The following RFC4 variants were observed in gnomAD, a reference collection of about 807,000 sequenced individuals.
RFC4 encodes the protein replication factor C subunit 4.
A neutral mutation model predicts 47.6 loss-of-function variants in RFC4; 38 were observed. The observed-to-expected ratio is 0.80, with a 90% CI of 0.62 to 1.05. The LOEUF (loss-of-function observed/expected upper bound fraction) is 1.05. Ranked by LOEUF, RFC4 falls within the 50% of genes least tolerant of loss-of-function variation. The pLI, the probability that RFC4 is intolerant of heterozygous loss-of-function variation, is 0.00. For missense variants in RFC4, 489 were observed against 434.0 expected (o/e 1.13, Z -1.13); for synonymous variants, 164 against 150.0 (o/e 1.09, Z -0.68).
At chr3:186,799,691 T>A (rs1722311960) in intron 3 of RFC4, among the ~76,000 whole-genome samples, 1 of 151,898 alleles carries the variant, frequency 6.6e-6, no homozygotes, top group South Asian at 2.1e-4. Context: ...CCAGCCTGCG[T>A]GACAGAGCAA....
At chr3:186,801,264 T>C in intron 2 of RFC4, 69 bp from the exon 3 acceptor site, 1 of 1,108,196 alleles carries the variant, frequency 9.0e-7, no homozygotes, top group Non-Finnish European at 1.4e-6. Context: ...CTCTCAAGTG[T>C]TCCTTCTACT....
intron 8 of RFC4, 124 bp downstream of exon 8, chr3:186,791,601 T>C (rs1579176392): frequency 1.2e-6 from 1 of 844,050 alleles, no homozygotes; most frequent in East Asian, 2.4e-5. Flanking sequence ...CCCAGGTTAT[T>C]CCCTTATACT....
chr3:186,805,474 G>C (rs1052017959), intron 1 of RFC4: 2 of 152,132 alleles, frequency 1.3e-5, no homozygotes, highest in Admixed American at 6.6e-5. Context: ...CTCCTGCCCC[G>C]GCCTCCCAAA....
chr3:186,791,790 G>T lies in RFC4; in HGVS notation c.736C>A (p.Gln246Lys), dbSNP rs778941438. The T allele has an allele frequency of 1.2e-6, 2 of 1,610,080 alleles. No individual in the cohort carries two copies. Among genetic ancestry groups the T allele is most frequent in the South Asian group, 2.2e-5 (2 of 91,018 alleles). Reference sequence around the variant, plus strand: ...CCACCTGTTAATCGAGTAGCGCTTTGAAGAAATGTAATGGCTTTTCTTAAG... The same window carrying T: ...CCACCTGTTAATCGAGTAGCGCTTTTAAGAAATGTAATGGCTTTTCTTAAG... ...GDLRKAITFL[Q>K]SATRLTGGKE... The change falls in exon 8 of 11, where the codon CAA becomes AAA. Residue 246 changes from glutamine (Q) to lysine (K), a missense_variant. Transcript: ENST00000296273.
At chr3:186,797,701 G>T in intron 3 of RFC4, 87 bp from the exon 4 acceptor site, 1 of 871,006 alleles carries the variant, frequency 1.1e-6, no homozygotes, top group Admixed American at 2.1e-5. Context: ...CTGTGGAATA[G>T]TGCAATGACT....
At chr3:186,797,708 G>C (rs898271803) in intron 3 of RFC4, 94 bp from the exon 4 acceptor site, 35 of 806,952 alleles carry the variant, frequency 4.3e-5, no homozygotes, top group Non-Finnish European at 6.7e-5. Context: ...ATAGTGCAAT[G>C]ACTTCTCTAA....
chr3:186,794,806 A>G (rs769206036), intron 4 of RFC4, 29 bp from the exon 5 acceptor site: 2 of 1,611,898 alleles, frequency 1.2e-6, no homozygotes, highest in Non-Finnish European at 1.7e-6. Context: ...AATATGAAAC[A>G]TAGAGCACAA....
chr3:186,791,827 C>A lies in RFC4; in HGVS notation c.699G>T (p.Val233=), dbSNP rs148303646. The change falls in exon 8 of 11, where the codon GTG becomes GTT. Residue 233 remains valine, a synonymous_variant. Transcript: ENST00000296273. ...TGGCTTTTCTTAAGTCTCCTTCTGA[C>A]ACTTTAACAAGATAAGCTATTCCCT... ...SDEGIAYLVK[V]SEGDLRKAIT... 3.8e-5 allele frequency: 61 copies of A among 1,612,204 alleles called. No individual in the cohort carries two copies. The highest frequency in any genetic ancestry group is 5.2e-5 in the Non-Finnish European group (61 of 1,178,546).
At chr3:186,797,205 G>A (rs925282177) in intron 4 of RFC4, among the ~76,000 whole-genome samples, 16 of 152,188 alleles carry the variant, frequency 1.1e-4, no homozygotes, top group Middle Eastern at 3.2e-3. Context: ...ATCATTAAGA[G>A]GGTGATAAAA....
At chr3:186,790,295 C>G in intron 9 of RFC4, 31 bp downstream of exon 9, 4 of 1,611,570 alleles carry the variant, frequency 2.5e-6, no homozygotes, top group Non-Finnish European at 3.4e-6. Flanking sequence ...ACTTAATATT[C>G]CTTTCCCCAA....
Position 186,790,068 on chromosome 3 carries a change from C to G in RFC4, c.997-4G>C. On this transcript the variant is annotated splice_region_variant and splice_polypyrimidine_tract_variant and intron_variant, in intron 10 of 10. Transcript: ENST00000296273. ...CTGCTAGGCATTTGTCAACTTCCTA[C>G]GAGAAAAATTTAAGAAATTAGCATC... The G allele has an allele frequency of 6.2e-7, 1 of 1,612,788 alleles. No individual in the cohort carries two copies. The highest frequency in any genetic ancestry group is 8.5e-7 in the Non-Finnish European group (1 of 1,178,966).
chr3:186,791,520 T>G, intron 8 of RFC4: 1 of 574,240 alleles, frequency 1.7e-6, no homozygotes, highest in East Asian at 3.1e-5. Flanking sequence ...TTTTCTTTCC[T>G]GAAATGTCTG....
chr3:186,805,984 C>A (rs532894195), intron 1 of RFC4, among the ~76,000 whole-genome samples: 1 of 152,188 alleles, frequency 6.6e-6, no homozygotes, highest in Non-Finnish European at 1.5e-5. Context: ...TATGCAAATA[C>A]ATAGTTCCTT....
intron 7 of RFC4, 139 bp downstream of exon 7, chr3:186,792,351 T>C: frequency 1.5e-6 from 1 of 676,426 alleles, no homozygotes; most frequent in Non-Finnish European, 2.5e-6. Context: ...ACATTTCAAT[T>C]GTTGCCCCTT....
rs552790380 is a variant in RFC4 at position 186,790,597 on chromosome 3, CTG to C, written c.802-193_802-192del. On this transcript the variant is annotated intron_variant, in intron 8 of 10. Transcript: ENST00000296273. ...CACTAAGCAACCAAGGTGCTAACAACTGTGCTTTTAAAGCCCTTTAATGGCTT... is the reference window on the plus strand; with the variant it reads ...CACTAAGCAACCAAGGTGCTAACAACTGCTTTTAAAGCCCTTTAATGGCTT... Among the ~76,000 whole-genome samples the C allele has an allele frequency of 4.5e-3, 683 of 152,322 alleles. 7 individuals are homozygous for C. The highest frequency in any genetic ancestry group is 0.014 in the African/African-American group (592 of 41,564).
chr3:186,805,569 C>A (rs1282770681), intron 1 of RFC4: 2 of 152,104 alleles, frequency 1.3e-5, no homozygotes, highest in Non-Finnish European at 2.9e-5. Flanking sequence ...CCTTCAGAGA[C>A]TTTCTGTGGG....
Position 186,790,275 on chromosome 3 carries a change from T to G in RFC4, c.883-20A>C. The G allele has an allele frequency of 6.2e-7, 1 of 1,611,260 alleles. No individual in the cohort carries two copies. The highest frequency in any genetic ancestry group is 8.5e-7 in the Non-Finnish European group (1 of 1,177,610). ...TAAATCCTATAATAAAAAAAACTTT[T>G]GGTATGATGACTTAATATTCCTTTC... On this transcript the variant is annotated intron_variant, in intron 9 of 10. Coordinates refer to ENST00000296273, the MANE Select transcript of RFC4 (RefSeq NM_002916.5).
chr3:186,804,481 G>C, intron 2 of RFC4, 102 bp downstream of exon 2: 1 of 1,199,174 alleles, frequency 8.3e-7, no homozygotes, highest in Non-Finnish European at 1.2e-6. Flanking sequence ...CTTCTAAACA[G>C]AACAAAGCAT....
chr3:186,803,511 T>G (rs543837253), intron 2 of RFC4, among the ~76,000 whole-genome samples: 1 of 152,140 alleles, frequency 6.6e-6, no homozygotes, highest in South Asian at 2.1e-4. Flanking sequence ...GACAATTTTA[T>G]TTATTTATTT....
Sources: allele counts gnomAD v4.1 joint callset (sites outside exome capture counted in the v4.1 genomes callset), GRCh38; gene constraint gnomAD v4.1.1; transcripts MANE v1.5; gene names NCBI Gene and HGNC (gene_info 2026-07-23, HGNC 2026-07-21).